SNX13: variants seen among roughly 807,000 people sequenced by gnomAD.
SNX13 encodes sorting nexin-13.
SNX13 carries 45 observed loss-of-function variants against 133.6 expected under a neutral mutation model. The ratio of observed to expected loss-of-function variants is 0.34; its 90% CI spans 0.27 to 0.43. The LOEUF is 0.43. SNX13 is among the 20% of genes least tolerant of loss of function. The pLI is 1.00. For missense variants in SNX13, 1,032 were observed against 1,145.1 expected (o/e 0.90, Z 1.43); for synonymous variants, 414 against 373.9 (o/e 1.11, Z -1.24).
At chr7:17,801,020 A>ATATATATATATATG (rs1784566615) in intron 22 of SNX13, among the ~76,000 whole-genome samples, 1 of 11,828 alleles carries the variant, frequency 8.5e-5, no homozygotes, top group African/African-American at 2.4e-4. Context: ...ATATATATAT[A>ATATATATATATATG]TATATATATA....
At chr7:17,892,678 C>T (rs1434444897) in intron 3 of SNX13, among the ~76,000 whole-genome samples, 2 of 151,926 alleles carry the variant, frequency 1.3e-5, no homozygotes, top group Non-Finnish European at 2.9e-5. Context: ...TCTCCTGCAC[C>T]TTAGCATGTA....
intron 15 of SNX13, among the ~76,000 whole-genome samples, chr7:17,833,448 G>C (rs1788754876): frequency 6.6e-6 from 1 of 151,552 alleles, no homozygotes; most frequent in Non-Finnish European, 1.5e-5. Context: ...ACTTCACACA[G>C]GTAGTAAGTG....
intron 1 of SNX13, among the ~76,000 whole-genome samples, chr7:17,934,312 G>A (rs1801779433): frequency 6.6e-6 from 1 of 152,210 alleles, no homozygotes; most frequent in Non-Finnish European, 1.5e-5. Context: ...TCAAAGCACA[G>A]TTTAAAAAGC....
chr7:17,909,285 C>CA (rs1287922878), intron 1 of SNX13, among the ~76,000 whole-genome samples: 5 of 152,134 alleles, frequency 3.3e-5, no homozygotes, highest in Non-Finnish European at 5.9e-5. Flanking sequence ...ATGTGGAAGA[C>CA]AGTGTGGCAA....
intron 18 of SNX13, 133 bp downstream of exon 18, chr7:17,821,376 A>G (rs1787261067): frequency 1.1e-5 from 9 of 793,454 alleles, no homozygotes; most frequent in Non-Finnish European, 1.8e-5. Context: ...TAATTCTAAG[A>G]TTTATGGTGA....
intron 1 of SNX13, among the ~76,000 whole-genome samples, chr7:17,909,204 C>T (rs1250570505): frequency 6.6e-6 from 1 of 152,056 alleles, no homozygotes; most frequent in Non-Finnish European, 1.5e-5. Context: ...CAAGAAACAA[C>T]AGATGCTAAT....
chr7:17,891,527 A>ATTAAGAAT lies in SNX13; in HGVS notation c.318+18_318+19insATTCTTAA, dbSNP rs747328101. Reference sequence around the variant, plus strand: ...AGAACACAATATATAGAATTCAAATACCACACGCTGAAACTCACTTGCTGG... The same window carrying ATTAAGAAT: ...AGAACACAATATATAGAATTCAAATATTAAGAATCCACACGCTGAAACTCACTTGCTGG... On this transcript the variant is annotated intron_variant, in intron 4 of 25. Coordinates refer to ENST00000428135, the MANE Select transcript of SNX13 (RefSeq NM_015132.5). 17 of 1,578,610 alleles carry ATTAAGAAT rather than the reference A, an allele frequency of 1.1e-5. No individual in the cohort carries two copies. In the East Asian group the frequency reaches 2.5e-4, roughly 23 times the overall value.
chr7:17,889,858 T>C (rs1339754046), intron 5 of SNX13: 2 of 152,206 alleles, frequency 1.3e-5, no homozygotes, highest in Non-Finnish European at 2.9e-5. Context: ...ATACTTCTTT[T>C]CTGAAAAATA....
At position 17,891,636 on chromosome 7, in the gene SNX13, CT is replaced by C. The variant is rs1386299139; in HGVS notation, c.229-2del. 6.2e-7 allele frequency: 1 copy of C among 1,608,098 alleles called. No individual in the cohort carries two copies. Among genetic ancestry groups the C allele is most frequent in the Admixed American group, 1.7e-5 (1 of 59,676 alleles). On this transcript the variant is annotated splice_acceptor_variant, in intron 3 of 25. Transcript: ENST00000428135. LOFTEE classifies it high-confidence loss of function. ...CTTCCCGTTTCATTTCTTCTAAGCA[CT>C]TAAAGGAAATCAAAATATCTTACTG...
At chr7:17,898,833 T>C (rs1215147730) in intron 1 of SNX13, 1 of 152,188 alleles carries the variant, frequency 6.6e-6, no homozygotes, top group Non-Finnish European at 1.5e-5. Context: ...ATACCTTCTT[T>C]TACGTCCCTC....
chr7:17,866,850 G>C (rs1793460245), intron 9 of SNX13, among the ~76,000 whole-genome samples: 3 of 152,154 alleles, frequency 2.0e-5, no homozygotes, highest in Admixed American at 2.0e-4. Flanking sequence ...AATAACCATA[G>C]GAGTGGAATT....
At chr7:17,827,827 T>A (rs995915834) in intron 16 of SNX13, among the ~76,000 whole-genome samples, 1 of 151,822 alleles carries the variant, frequency 6.6e-6, no homozygotes, top group Admixed American at 6.6e-5. Flanking sequence ...TTGATAGAAA[T>A]AGCACAACCT....
At chr7:17,846,113 A>C (rs1583456387) in intron 11 of SNX13, among the ~76,000 whole-genome samples, 1 of 152,152 alleles carries the variant, frequency 6.6e-6, no homozygotes, top group Non-Finnish European at 1.5e-5. Flanking sequence ...AATATGCCTA[A>C]AGAGTAATTT....
At chr7:17,837,459 A>G (rs1789273333) in intron 13 of SNX13, among the ~76,000 whole-genome samples, 1 of 151,966 alleles carries the variant, frequency 6.6e-6, no homozygotes, top group African/African-American at 2.4e-5. Flanking sequence ...TTTCAACAAA[A>G]TAATTTGGGA....
chr7:17,846,166 GT>G (rs200012742), intron 11 of SNX13, among the ~76,000 whole-genome samples: 14 of 150,642 alleles, frequency 9.3e-5, no homozygotes, highest in African/African-American at 3.2e-4. Flanking sequence ...GATAAAATGT[GT>G]TTTTTTTCCA....
At chr7:17,801,407 A>G (rs548324733) in intron 22 of SNX13, among the ~76,000 whole-genome samples, 181 bp downstream of exon 22, 2 of 151,978 alleles carry the variant, frequency 1.3e-5, no homozygotes, top group African/African-American at 4.8e-5. Flanking sequence ...TGGAGTAGTG[A>G]TAATCTTATT....
chr7:17,931,503 A>G (rs978307030), intron 1 of SNX13, among the ~76,000 whole-genome samples: 1 of 152,228 alleles, frequency 6.6e-6, no homozygotes, highest in Non-Finnish European at 1.5e-5. Context: ...GCTCGAAAAT[A>G]AAAGAAATCA....
chr7:17,847,631 T>C (rs1170486376), intron 11 of SNX13, among the ~76,000 whole-genome samples: 1 of 152,204 alleles, frequency 6.6e-6, no homozygotes, highest in Non-Finnish European at 1.5e-5. Context: ...ATTTAAGAAA[T>C]GCTTTTTCCT....
intron 17 of SNX13, among the ~76,000 whole-genome samples, chr7:17,824,754 T>G (rs779320871): frequency 6.7e-6 from 1 of 150,290 alleles, no homozygotes; most frequent in African/African-American, 2.5e-5. Flanking sequence ...TATTTACATA[T>G]GTTTGTCAGG....
Sources: allele counts gnomAD v4.1 joint callset (sites outside exome capture counted in the v4.1 genomes callset), GRCh38; gene constraint gnomAD v4.1.1; transcripts MANE v1.5; gene names NCBI Gene and HGNC (gene_info 2026-07-23, HGNC 2026-07-21).